Variants in YWHAZ observed in about 807,000 individuals in gnomAD.
The protein encoded by YWHAZ is 14-3-3 protein zeta/delta.
For missense variants in YWHAZ, 79 were observed against 284.8 expected (o/e 0.28, Z 5.20); for synonymous variants, 87 against 103.6 (o/e 0.84, Z 0.97).
intron 2 of YWHAZ, among the ~76,000 whole-genome samples, chr8:100,947,387 A>G (rs990307062): frequency 6.6e-6 from 1 of 152,220 alleles, no homozygotes. Flanking sequence ...AATAGTAGCT[A>G]TCATTCTAAA....
chr8:100,951,163 C>G (rs2130385791), intron 1 of YWHAZ: 1 of 985,058 alleles, frequency 1.0e-6, no homozygotes, highest in East Asian at 1.1e-4. Flanking sequence ...AGGTCCCAGG[C>G]GAGCCCCACC....
chr8:100,950,087 G>A (rs1262523590), intron 1 of YWHAZ, among the ~76,000 whole-genome samples: 1 of 152,170 alleles, frequency 6.6e-6, no homozygotes, highest in African/African-American at 2.4e-5. Context: ...CCAAATGAGA[G>A]AACAGGTCGC....
Position 100,951,174 on chromosome 8 carries a change from C to G in YWHAZ, c.-12+755G>C, listed in dbSNP as rs1050550717. The G allele has an allele frequency of 4.1e-6, 4 of 985,218 alleles. No homozygotes were observed. The African/African-American group carries it at 7.0e-5, about 17-fold the overall frequency. 61.0% of individuals were successfully genotyped at this position (985,218 alleles called of 1,614,324 possible). A position where few individuals can be genotyped will look rare whatever the true frequency, so the allele number is the denominator to read the frequency against. On this transcript the variant is annotated intron_variant, in intron 1 of 5. Transcript: ENST00000395958. The stretch of plus-strand genomic sequence containing the variant: ...CTCTAGGTCCCAGGCGAGCCCCACC[C>G]CAAAACCTCACCCCGCAGTGGACTC...
At chr8:100,945,476 T>C (rs1381251740) in intron 2 of YWHAZ, among the ~76,000 whole-genome samples, 1 of 152,162 alleles carries the variant, frequency 6.6e-6, no homozygotes, top group Non-Finnish European at 1.5e-5. Context: ...CTATTATTTC[T>C]GCAAAGGGAC....
At position 100,918,408 on chromosome 8, in the gene YWHAZ, T is replaced by TATATATATATATATATATATATATATA. The variant is rs1554611374; in HGVS notation, c.*2284_*2285insTATATATATATATATATATATATATAT. The TATATATATATATATATATATATATATA allele has an allele frequency of 2.4e-5, 1 of 41,882 alleles. No individual in the cohort carries two copies. Among genetic ancestry groups the TATATATATATATATATATATATATATA allele is most frequent in the African/African-American group, 7.1e-5 (1 of 14,100 alleles). The allele number at this position is 41,882 out of a possible 1,614,324, so 2.6% of individuals were successfully genotyped here. On this transcript the variant is annotated 3_prime_UTR_variant, in exon 6 of 6. Coordinates refer to ENST00000395958, the MANE Select transcript of YWHAZ (RefSeq NM_145690.3). ...AGTCTAGCTATAAAATATAATTACT[T>TATATATATATATATATATATATATATA]TATATATATATATATATATATATAT...
intron 1 of YWHAZ, chr8:100,950,833 C>G (rs148053861): frequency 0.014 from 2,353 of 163,684 alleles, 27 homozygotes; most frequent in Middle Eastern, 0.055. Context: ...TCTAAGGGAC[C>G]GACAGCTGCA....
At chr8:100,938,983 A>T (rs1219110102) in intron 2 of YWHAZ, among the ~76,000 whole-genome samples, 1 of 152,260 alleles carries the variant, frequency 6.6e-6, no homozygotes, top group African/African-American at 2.4e-5. Flanking sequence ...GTCATCTATA[A>T]GCAGGCTTGT....
At chr8:100,949,634 C>T (rs955131318) in intron 1 of YWHAZ, among the ~76,000 whole-genome samples, 1 of 152,208 alleles carries the variant, frequency 6.6e-6, no homozygotes, top group Non-Finnish European at 1.5e-5. Context: ...GACACTTCAA[C>T]TCTTACTGTG....
At chr8:100,942,077 G>A (rs2130301762) in intron 2 of YWHAZ, among the ~76,000 whole-genome samples, 1 of 152,252 alleles carries the variant, frequency 6.6e-6, no homozygotes, top group Non-Finnish European at 1.5e-5. Context: ...GGGGAAGGAA[G>A]GCTCACAACA....
chr8:100,930,896 A>C (rs1813714408), intron 2 of YWHAZ, among the ~76,000 whole-genome samples: 1 of 152,216 alleles, frequency 6.6e-6, no homozygotes, highest in African/African-American at 2.4e-5. Flanking sequence ...AAGTGGGATA[A>C]GAAATCATTT....
intron 2 of YWHAZ, among the ~76,000 whole-genome samples, chr8:100,938,769 G>A (rs967408380): frequency 6.6e-6 from 1 of 152,128 alleles, no homozygotes; most frequent in African/African-American, 2.4e-5. Context: ...TGGCCGGAGT[G>A]GCTTCCATTC....
At chr8:100,943,948 T>C (rs760912300) in intron 2 of YWHAZ, among the ~76,000 whole-genome samples, 27 of 147,290 alleles carry the variant, frequency 1.8e-4, no homozygotes, top group South Asian at 6.4e-4. Context: ...GATCGTTCCA[T>C]TGCACTCCAG....
chr8:100,918,775 GAACA>G lies in YWHAZ; in HGVS notation c.*1914_*1917del, dbSNP rs1442511616. ...CATTTACAGTGTACTAGGCACAATA[GAACA>G]TACAGAAAACATTGTCCCTGCTCTT... On this transcript the variant is annotated 3_prime_UTR_variant, in exon 6 of 6. Transcript: ENST00000395958. 4 of 152,470 alleles carry G rather than the reference GAACA, an allele frequency of 2.6e-5. No homozygotes were observed. The highest frequency in any genetic ancestry group is 6.6e-5 in the Admixed American group (1 of 15,254). The allele number at this position is 152,470 out of a possible 1,614,324, so 9.4% of individuals were successfully genotyped here.
At chr8:100,921,969 T>TA (rs1456288853) in intron 5 of YWHAZ, among the ~76,000 whole-genome samples, 1 of 152,214 alleles carries the variant, frequency 6.6e-6, no homozygotes, top group Non-Finnish European at 1.5e-5. Flanking sequence ...AATCATCCAT[T>TA]AGCTTCATTT....
intron 2 of YWHAZ, among the ~76,000 whole-genome samples, chr8:100,930,978 AAT>A (rs748748544): frequency 2.0e-5 from 3 of 152,206 alleles, no homozygotes; most frequent in Non-Finnish European, 2.9e-5. Context: ...TCCAGAGTTA[AAT>A]ATGTGATATG....
intron 2 of YWHAZ, among the ~76,000 whole-genome samples, chr8:100,941,413 G>A (rs1307716745): frequency 3.9e-5 from 6 of 152,166 alleles, no homozygotes; most frequent in South Asian, 2.1e-4. Flanking sequence ...ATACCAGTGG[G>A]TTCCTTGGTA....
intron 5 of YWHAZ, 103 bp downstream of exon 5, chr8:100,923,852 G>C: frequency 1.1e-6 from 1 of 884,888 alleles, no homozygotes; most frequent in Non-Finnish European, 1.7e-6. Flanking sequence ...AATGTGTTGA[G>C]AAAAAATTTT....
Position 100,927,532 on chromosome 8 carries a change from A to C in YWHAZ, c.295-2493T>G, listed in dbSNP as rs566032870. ...GTGACAGTGAGGCTGTCTCAAAAAG[A>C]GTAACACTGCCTAATCACGTCTTTC... On this transcript the variant is annotated intron_variant, in intron 2 of 5. Transcript: ENST00000395958. Among the ~76,000 whole-genome samples, 19 of 152,320 alleles carry C rather than the reference A, an allele frequency of 1.2e-4. No homozygotes were observed. In the East Asian group the frequency reaches 2.9e-3, roughly 23 times the overall value.
intron 2 of YWHAZ, among the ~76,000 whole-genome samples, chr8:100,927,954 CAAGT>C (rs1813477429): frequency 6.6e-6 from 1 of 152,168 alleles, no homozygotes; most frequent in African/African-American, 2.4e-5. Flanking sequence ...AAACAAGTGG[CAAGT>C]GTTTCTGGTG....
Sources: gnomAD v4.1 joint callset for allele counts (sites outside exome capture counted in the v4.1 genomes callset) on GRCh38, gnomAD v4.1.1 for gene constraint, MANE v1.5 for transcripts, NCBI Gene and HGNC (gene_info 2026-07-23, HGNC 2026-07-21) for gene names.